Variants in DLG2 observed in about 807,000 individuals in gnomAD.
The protein encoded by DLG2 is discs large MAGUK scaffold protein 2.
Under a neutral mutation model 132.5 loss-of-function variants are expected in DLG2, and 45 were observed. The ratio of observed to expected loss-of-function variants is 0.34; its 90% CI spans 0.27 to 0.44. The LOEUF is 0.44. Ranked by LOEUF, DLG2 falls within the 20% of genes least tolerant of loss-of-function variation. The pLI is 1.00. For missense variants in DLG2, 1,045 were observed against 1,196.9 expected, an observed-to-expected ratio of 0.87 and a Z score of 1.87; for synonymous variants, 424 against 419.6, an observed-to-expected ratio of 1.01 and a Z score of -0.13.
intron 6 of DLG2, among the ~76,000 whole-genome samples, chr11:84,876,046 C>A (rs2086296371): frequency 6.6e-6 from 1 of 151,922 alleles, no homozygotes; most frequent in Non-Finnish European, 1.5e-5. Context: ...CCTTTCTTCC[C>A]CTTTTCACTT....
At chr11:83,751,485 A>T (rs1353210349) in intron 18 of DLG2, among the ~76,000 whole-genome samples, 4 of 152,218 alleles carry the variant, frequency 2.6e-5, no homozygotes, top group Non-Finnish European at 5.9e-5. Flanking sequence ...GAAAGAACAT[A>T]ACCAAGGTGA....
chr11:83,780,068 T>C (rs2094749731), intron 18 of DLG2, among the ~76,000 whole-genome samples: 1 of 152,204 alleles, frequency 6.6e-6, no homozygotes, highest in Non-Finnish European at 1.5e-5. Context: ...CCTGGGTATT[T>C]GTGATGCAGT....
chr11:85,393,974 T>TG, intron 3 of DLG2, among the ~76,000 whole-genome samples: 1 of 152,104 alleles, frequency 6.6e-6, no homozygotes, highest in Non-Finnish European at 1.5e-5. Context: ...GCTCAGGGGA[T>TG]GGGTGCACCA....
chr11:84,821,639 AAAC>A (rs1209724011), intron 6 of DLG2, among the ~76,000 whole-genome samples: 3 of 128,358 alleles, frequency 2.3e-5, no homozygotes, highest in African/African-American at 6.0e-5. Flanking sequence ...AAAAAAAAAA[AAAC>A]AACAACAACA....
intron 15 of DLG2, among the ~76,000 whole-genome samples, chr11:83,923,365 G>C (rs536826750): frequency 6.6e-6 from 1 of 152,094 alleles, no homozygotes; most frequent in Admixed American, 6.6e-5. Flanking sequence ...TCTAATGAGG[G>C]AATTGAGGCT....
intron 7 of DLG2, among the ~76,000 whole-genome samples, chr11:84,532,193 T>A (rs531817164): frequency 7.0e-6 from 1 of 142,536 alleles, no homozygotes; most frequent in South Asian, 2.2e-4. Context: ...AATTATAAAA[T>A]TTGGACTCTC....
intron 18 of DLG2, among the ~76,000 whole-genome samples, chr11:83,663,918 T>C (rs1227513563): frequency 6.6e-6 from 1 of 152,164 alleles, no homozygotes; most frequent in Non-Finnish European, 1.5e-5. Context: ...CTGCCTTCAT[T>C]GTAATGTATT....
chr11:84,732,844 A>T (rs372436399), intron 6 of DLG2, among the ~76,000 whole-genome samples: 2,413 of 148,512 alleles, frequency 0.016, 34 homozygotes, highest in African/African-American at 0.036. Context: ...CCTGTGTCCA[A>T]GTGTTCTCAT....
At chr11:84,173,878 T>C (rs1026945876) in intron 8 of DLG2, among the ~76,000 whole-genome samples, 2 of 152,148 alleles carry the variant, frequency 1.3e-5, no homozygotes, top group African/African-American at 2.4e-5. Flanking sequence ...GGGTCTATCC[T>C]TGCTAGTCTC....
intron 10 of DLG2, among the ~76,000 whole-genome samples, chr11:84,062,265 T>C (rs778267495): frequency 6.6e-6 from 1 of 152,270 alleles, no homozygotes; most frequent in South Asian, 2.1e-4. Context: ...CAGTTCTTCA[T>C]CATCTGTGGG....
intron 6 of DLG2, among the ~76,000 whole-genome samples, chr11:85,107,169 A>G (rs940453907): frequency 6.6e-6 from 1 of 152,022 alleles, no homozygotes; most frequent in Admixed American, 6.6e-5. Flanking sequence ...TAGATATAGC[A>G]ATGTCTATGA....
intron 10 of DLG2, among the ~76,000 whole-genome samples, chr11:84,097,231 T>C (rs2097177521): frequency 6.6e-6 from 1 of 152,216 alleles, no homozygotes; most frequent in Non-Finnish European, 1.5e-5. Context: ...AATTAGGCTT[T>C]GACCTTAGGC....
Position 85,100,836 on chromosome 11 carries a change from G to A in DLG2, c.357+10825C>T, listed in dbSNP as rs531327168. 2.0e-5 allele frequency among the ~76,000 whole-genome samples: 3 copies of A among 152,236 alleles called. No homozygotes were observed. The East Asian group carries it at 5.8e-4, about 29-fold the overall frequency. ...CCAGCTACCTGGTCATCTAAGAACT[G>A]TCAAAGAAAGAGAGGCTCATAAACG... On this transcript the variant is annotated intron_variant, in intron 6 of 27. Transcript: ENST00000376104.
At chr11:85,481,435 T>C (rs1183372153) in intron 3 of DLG2, among the ~76,000 whole-genome samples, 1 of 152,088 alleles carries the variant, frequency 6.6e-6, no homozygotes, top group Non-Finnish European at 1.5e-5. Context: ...TAAGAAAACA[T>C]GCATGGAAGA....
At chr11:83,547,303 T>C (rs573072467) in intron 19 of DLG2, among the ~76,000 whole-genome samples, 9 of 152,250 alleles carry the variant, frequency 5.9e-5, no homozygotes, top group African/African-American at 2.2e-4. Context: ...GTCCACACTT[T>C]AATTCTCAGA....
intron 6 of DLG2, among the ~76,000 whole-genome samples, chr11:84,655,844 C>T (rs2099687603): frequency 6.6e-6 from 1 of 151,492 alleles, no homozygotes; most frequent in Non-Finnish European, 1.5e-5. Flanking sequence ...TATCAGGGGG[C>T]CTTTTCATCC....
chr11:84,232,761 A>G (rs1270368033), intron 8 of DLG2, among the ~76,000 whole-genome samples: 2 of 152,206 alleles, frequency 1.3e-5, no homozygotes, highest in Non-Finnish European at 2.9e-5. Flanking sequence ...AAATAAATTT[A>G]TGTTATTTAA....
intron 3 of DLG2, among the ~76,000 whole-genome samples, chr11:85,550,575 G>C (rs993551853): frequency 2.0e-5 from 3 of 149,470 alleles, no homozygotes; most frequent in Non-Finnish European, 4.4e-5. Context: ...CCAGTTCCCA[G>C]GAGGAGTTGA....
chr11:84,066,471 T>C lies in DLG2; in HGVS notation c.750-6987A>G, dbSNP rs2096673939. On this transcript the variant is annotated intron_variant, in intron 10 of 27. Coordinates refer to ENST00000376104, the MANE Select transcript of DLG2 (RefSeq NM_001142699.3). ...CCTCAAGTTTTTATTCAAAAGTAGGTGTTTGGGGCCGGGAGCGATGGCTTA... is the reference window on the plus strand; with the variant it reads ...CCTCAAGTTTTTATTCAAAAGTAGGCGTTTGGGGCCGGGAGCGATGGCTTA... Among the ~76,000 whole-genome samples the C allele has an allele frequency of 2.0e-5, 3 of 152,098 alleles. No individual in the cohort carries two copies. In the South Asian group the frequency reaches 6.2e-4, roughly 32 times the overall value.
Sources: gnomAD v4.1 joint callset for allele counts (sites outside exome capture counted in the v4.1 genomes callset) on GRCh38, gnomAD v4.1.1 for gene constraint, MANE v1.5 for transcripts, NCBI Gene and HGNC (gene_info 2026-07-23, HGNC 2026-07-21) for gene names.